The following MAF variants were observed in gnomAD, a reference collection of about 807,000 sequenced individuals.
The protein encoded by MAF is MAF bZIP transcription factor.
MAF carries 10 observed loss-of-function variants against 22.0 expected under a neutral mutation model. The observed-to-expected ratio is 0.45, with a 90% CI of 0.28 to 0.77. The LOEUF is 0.77. Among genes scored for constraint, MAF ranks in the 30% least tolerant of loss-of-function variants. The pLI is 0.12. For missense variants in MAF, 544 were observed against 548.4 expected, an observed-to-expected ratio of 0.99 and a Z score of 0.08; for synonymous variants, 337 against 255.8, an observed-to-expected ratio of 1.32 and a Z score of -3.03.
At chr16:79,401,969 C>T in the MAF span, among the ~76,000 whole-genome samples, 1 of 152,142 alleles carries the variant, frequency 6.6e-6, no homozygotes, top group South Asian at 2.1e-4. Context: ...TATCATTACC[C>T]CCATTTTATA....
At chr16:79,242,423 A>G in the MAF span, among the ~76,000 whole-genome samples, 1 of 152,090 alleles carries the variant, frequency 6.6e-6, no homozygotes, top group Non-Finnish European at 1.5e-5. Flanking sequence ...ATAAAAAAAG[A>G]CTTTAAAGCA....
the MAF span, among the ~76,000 whole-genome samples, chr16:79,235,988 G>C: frequency 6.6e-6 from 1 of 151,968 alleles, no homozygotes; most frequent in South Asian, 2.1e-4. Context: ...CACCGTACCA[G>C]CAATCCTATT....
the MAF span, among the ~76,000 whole-genome samples, chr16:79,483,881 G>A: frequency 3.3e-5 from 5 of 152,146 alleles, no homozygotes; most frequent in African/African-American, 9.7e-5. Context: ...GGTCATCTTC[G>A]CCTTCTGTCC....
At chr16:79,360,716 G>A in the MAF span, among the ~76,000 whole-genome samples, 98 of 152,320 alleles carry the variant, frequency 6.4e-4, no homozygotes, top group African/African-American at 2.2e-3. Flanking sequence ...TGCTCTGCAA[G>A]TGCTGTGGGC....
chr16:79,349,656 T>A, the MAF span, among the ~76,000 whole-genome samples: 2 of 152,262 alleles, frequency 1.3e-5, 1 homozygote, highest in South Asian at 4.1e-4. Flanking sequence ...ATCATGCCCT[T>A]CACACATGCT....
the MAF span, among the ~76,000 whole-genome samples, chr16:79,343,243 C>T: frequency 6.6e-6 from 1 of 151,902 alleles, no homozygotes; most frequent in Non-Finnish European, 1.5e-5. Flanking sequence ...CCCCAACCCC[C>T]CCCCAAAAAA....
At chr16:79,351,273 G>A in the MAF span, among the ~76,000 whole-genome samples, 3 of 152,194 alleles carry the variant, frequency 2.0e-5, no homozygotes, top group African/African-American at 2.4e-5. Flanking sequence ...CCAGAGAGGT[G>A]TGTTGCTGAA....
At chr16:79,283,892 G>C in the MAF span, among the ~76,000 whole-genome samples, 2,179 of 148,914 alleles carry the variant, frequency 0.015, 30 homozygotes, top group Non-Finnish European at 0.024. Context: ...CCTGCACGGG[G>C]TAGCTGGGGA....
chr16:79,430,214 G>A, the MAF span, among the ~76,000 whole-genome samples: 1 of 152,206 alleles, frequency 6.6e-6, no homozygotes, highest in Non-Finnish European at 1.5e-5. Context: ...TGTTTACAAT[G>A]CAATTAACAT....
the MAF span, among the ~76,000 whole-genome samples, chr16:79,419,431 G>A: frequency 7.9e-5 from 12 of 152,320 alleles, no homozygotes; most frequent in African/African-American, 2.9e-4. Context: ...AGCATCCTAG[G>A]TTTGGAAATC....
chr16:79,221,119 T>C, the MAF span, among the ~76,000 whole-genome samples: 2 of 152,230 alleles, frequency 1.3e-5, no homozygotes, highest in Non-Finnish European at 2.9e-5. Flanking sequence ...ACTGAGAAAG[T>C]TCGAAGACTT....
At chr16:79,373,309 A>T in the MAF span, among the ~76,000 whole-genome samples, 1 of 139,954 alleles carries the variant, frequency 7.1e-6, no homozygotes, top group Non-Finnish European at 1.5e-5. Context: ...CTGTTAAATG[A>T]ATTAATTCAT....
the MAF span, among the ~76,000 whole-genome samples, chr16:79,402,829 T>G: frequency 6.6e-6 from 1 of 152,170 alleles, no homozygotes; most frequent in Non-Finnish European, 1.5e-5. Flanking sequence ...CATGCCTGGG[T>G]GTCCATGGGG....
At chr16:79,581,944 C>T (rs1912546362), downstream of MAF, among the ~76,000 whole-genome samples, 1 of 152,166 alleles carries the variant, frequency 6.6e-6, no homozygotes, top group African/African-American at 2.4e-5. Flanking sequence ...CTATGTCCTT[C>T]CATTTGGTAT....
At chr16:79,327,155 A>C in the MAF span, among the ~76,000 whole-genome samples, 1 of 152,172 alleles carries the variant, frequency 6.6e-6, no homozygotes, top group South Asian at 2.1e-4. Context: ...AAATTGTAAA[A>C]AGGTTTTTAA....
chr16:79,579,108 G>A, the MAF span, among the ~76,000 whole-genome samples: 2 of 152,050 alleles, frequency 1.3e-5, no homozygotes, highest in African/African-American at 2.4e-5. Context: ...GAAAAAAAAA[G>A]TCTTCCAAGC....
chr16:79,305,460 C>T, the MAF span, among the ~76,000 whole-genome samples: 2 of 152,058 alleles, frequency 1.3e-5, no homozygotes, highest in Non-Finnish European at 2.9e-5. Flanking sequence ...GGGAGTGTGA[C>T]TGAGGAGTGC....
the MAF span, among the ~76,000 whole-genome samples, chr16:79,528,707 C>T: frequency 6.6e-6 from 1 of 151,730 alleles, no homozygotes; most frequent in Non-Finnish European, 1.5e-5. Context: ...AAGCTTCTTA[C>T]TATATTAGGG....
chr16:79,594,241 C>G lies in MAF; in HGVS notation c.*219G>C, dbSNP rs78847445. On this transcript the variant is annotated 3_prime_UTR_variant, in exon 2 of 2. Coordinates refer to ENST00000326043, the MANE Select transcript of MAF (RefSeq NM_005360.5). ...CAATGCACCTGTTTACTTGCACACA[C>G]CATAAATCGAAAAGCAGGAGTGCGC... 4.2e-3 allele frequency: 2,315 copies of G among 547,698 alleles called. 45 individuals are homozygous for G. Among genetic ancestry groups the G allele is most frequent in the African/African-American group, 0.039 (2,053 of 53,178 alleles). The allele number at this position is 547,698 out of a possible 1,614,324, so 33.9% of individuals were successfully genotyped here.
Sources: gnomAD v4.1 joint callset for allele counts (sites outside exome capture counted in the v4.1 genomes callset) on GRCh38, gnomAD v4.1.1 for gene constraint, MANE v1.5 for transcripts, NCBI Gene and HGNC (gene_info 2026-07-23, HGNC 2026-07-21) for gene names.